Variants in APC observed in about 807,000 individuals in gnomAD.
The protein encoded by APC is adenomatous polyposis coli protein.
Under a neutral mutation model 247.0 loss-of-function variants are expected in APC, and 72 were observed. That is an observed-to-expected ratio of 0.29 (90% confidence interval 0.24 to 0.35). The LOEUF (loss-of-function observed/expected upper bound fraction) is 0.35. Among genes scored for constraint, APC ranks in the 10% least tolerant of loss-of-function variants. The pLI is 1.00. For synonymous variants in APC, 1,254 were observed against 1,162.5 expected (o/e 1.08, Z -1.60); for missense variants, 3,400 against 3,360.7 (o/e 1.01, Z -0.29).
intron 10 of APC, among the ~76,000 whole-genome samples, chr5:112,820,667 A>T (rs1431763756): frequency 6.6e-6 from 1 of 152,228 alleles, no homozygotes; most frequent in Non-Finnish European, 1.5e-5. Flanking sequence ...TCAAAAAATT[A>T]AATAGAATAA....
intron 1 of APC, among the ~76,000 whole-genome samples, chr5:112,716,696 C>G (rs927888419): frequency 2.0e-5 from 3 of 152,106 alleles, no homozygotes; most frequent in Non-Finnish European, 4.4e-5. Context: ...GTTCTCTAAT[C>G]TTTTATAAAT....
Position 112,745,349 on chromosome 5 carries a change from C to G in APC, c.-19+7424C>G, listed in dbSNP as rs746995755. 9.9e-4 allele frequency among the ~76,000 whole-genome samples: 151 copies of G among 151,962 alleles called. 1 individual carries two copies. Among genetic ancestry groups the G allele is most frequent in the Non-Finnish European group, 1.8e-3 (120 of 67,974 alleles). ...TTGAGACAGATCTTTGAAGTATCCC[C>G]TAGATCAAAGAGGAAATCAAGATGG... On this transcript the variant is annotated intron_variant, in intron 1 of 15. Coordinates refer to ENST00000257430, the MANE Select transcript of APC (RefSeq NM_000038.6).
intron 1 of APC, among the ~76,000 whole-genome samples, chr5:112,715,732 G>A (rs1298621271): frequency 6.6e-6 from 1 of 152,174 alleles, no homozygotes; most frequent in Non-Finnish European, 1.5e-5. Flanking sequence ...TAATGATCAA[G>A]TCGGGGTATT....
rs1350561160 is a variant in APC, at chr5:112,840,348, C to G, written c.4754C>G (p.Thr1585Arg). The G allele has an allele frequency of 6.2e-7, 1 of 1,614,180 alleles. No individual in the cohort carries two copies. Among genetic ancestry groups the G allele is most frequent in the Non-Finnish European group, 8.5e-7 (1 of 1,180,022 alleles). ...LEECIISAMP[T>R]KSSRKAKKPA... Reference sequence around the variant, plus strand: ...GAATGTATTATTTCTGCCATGCCAACAAAGTCATCACGTAAAGCAAAAAAG... The same window carrying G: ...GAATGTATTATTTCTGCCATGCCAAGAAAGTCATCACGTAAAGCAAAAAAG... Residue 1585 changes from threonine (T) to arginine (R), a missense_variant, in exon 16 of 16, where the codon ACA (threonine) becomes AGA (arginine). Physicochemically the swap from Thr to Arg is moderately conservative, Grantham distance 71 (BLOSUM62 -1). Transcript: ENST00000257430. This position sits in a 1 kb window ranked among gnomAD's most constrained non-coding sequence, Gnocchi z 4.1.
At chr5:112,757,936 A>G (rs1431909036) in intron 2 of APC, among the ~76,000 whole-genome samples, 3 of 152,212 alleles carry the variant, frequency 2.0e-5, no homozygotes, top group Non-Finnish European at 4.4e-5. Context: ...TGTGTTTAGA[A>G]AGAATCCTTG....
At chr5:112,765,110 G>C (rs545592794) in intron 2 of APC, among the ~76,000 whole-genome samples, 1 of 152,140 alleles carries the variant, frequency 6.6e-6, no homozygotes, top group South Asian at 2.1e-4. Context: ...CGATTTCTTT[G>C]TTTCTGTTTT....
chr5:112,830,747 G>T (rs1257310861), intron 14 of APC, among the ~76,000 whole-genome samples: 1 of 152,226 alleles, frequency 6.6e-6, no homozygotes, highest in Non-Finnish European at 1.5e-5. Flanking sequence ...AATCTGTAAT[G>T]ACAGAAAACA....
At chr5:112,798,044 A>G (rs982910566) in intron 7 of APC, among the ~76,000 whole-genome samples, 1 of 152,204 alleles carries the variant, frequency 6.6e-6, no homozygotes. Flanking sequence ...ACATATAGTT[A>G]TGTGACTCAG....
chr5:112,735,182 A>T (rs971479135), upstream of APC, among the ~76,000 whole-genome samples: 1 of 151,624 alleles, frequency 6.6e-6, no homozygotes, highest in South Asian at 2.1e-4. Context: ...GATCAGAAAA[A>T]ATATATATAT....
intron 1 of APC, among the ~76,000 whole-genome samples, chr5:112,751,199 A>G (rs1375152951): frequency 1.3e-5 from 2 of 152,090 alleles, no homozygotes; most frequent in Non-Finnish European, 2.9e-5. Flanking sequence ...CATCTTATAT[A>G]TCTGTACTAC....
At chr5:112,710,102 A>G (rs1310343196) in intron 1 of APC, among the ~76,000 whole-genome samples, 2 of 152,160 alleles carry the variant, frequency 1.3e-5, no homozygotes. Flanking sequence ...TTGATGGCCT[A>G]GAATGCTTCA....
At chr5:112,818,940 T>C (rs2149778342) in intron 9 of APC, 26 bp from the exon 10 acceptor site, 3 of 1,613,080 alleles carry the variant, frequency 1.9e-6, no homozygotes, top group Non-Finnish European at 2.5e-6. Context: ...GTCGTAATTT[T>C]GTTTCTAAAC....
intron 1 of APC, among the ~76,000 whole-genome samples, chr5:112,743,062 C>G (rs1753228466): frequency 6.6e-6 from 1 of 152,224 alleles, no homozygotes; most frequent in Non-Finnish European, 1.5e-5. Flanking sequence ...TGCGTCTCCT[C>G]TAGAGATTCT....
At chr5:112,728,904 C>G (rs895454004) in intron 1 of APC, among the ~76,000 whole-genome samples, 1 of 152,056 alleles carries the variant, frequency 6.6e-6, no homozygotes, top group Non-Finnish European at 1.5e-5. Context: ...TTTTCATTGC[C>G]TATATGGTGA....
intron 9 of APC, among the ~76,000 whole-genome samples, chr5:112,817,956 G>GT (rs758542038): frequency 2.6e-5 from 4 of 152,166 alleles, no homozygotes; most frequent in Non-Finnish European, 5.9e-5. Context: ...AGGTGTATGT[G>GT]TATTTACGCA....
At chr5:112,714,470 T>A (rs1433185045) in intron 1 of APC, among the ~76,000 whole-genome samples, 2 of 152,230 alleles carry the variant, frequency 1.3e-5, no homozygotes, top group South Asian at 2.1e-4. Flanking sequence ...CATCTTCTAG[T>A]AAACTTTAGC....
intron 14 of APC, among the ~76,000 whole-genome samples, chr5:112,831,043 A>G (rs879540706): frequency 7.9e-5 from 12 of 152,308 alleles, no homozygotes; most frequent in Middle Eastern, 6.8e-3. Context: ...TGTGTGTATT[A>G]TGAGAATTTG....
At position 112,783,378 on chromosome 5, in the gene APC, A is replaced by G. The variant is rs80139864; in HGVS notation, c.645+2475A>G. Among the ~76,000 whole-genome samples the G allele has an allele frequency of 4.6e-3, 696 of 152,272 alleles. 7 individuals carry two copies. The highest frequency in any genetic ancestry group is 0.016 in the African/African-American group (675 of 41,542). Reference sequence around the variant, plus strand: ...GTTCATTTATTCTGGAAATAGTTATATGAAGGTTAAGGTTAAAGAAATTGT... The same window carrying G: ...GTTCATTTATTCTGGAAATAGTTATGTGAAGGTTAAGGTTAAAGAAATTGT... On this transcript the variant is annotated intron_variant, in intron 6 of 15. Coordinates refer to ENST00000257430, the MANE Select transcript of APC (RefSeq NM_000038.6).
In APC at chr5:112,843,359, GA is replaced by G; in HGVS notation, c.7770del (p.Lys2590AsnfsTer3). ...CAGTGAAAAAGCAAAAAGTGAGGATGAAAAACATGTGAACTCTATTTCAGGA... is the reference window on the plus strand; with the variant it reads ...CAGTGAAAAAGCAAAAAGTGAGGATGAAAACATGTGAACTCTATTTCAGGA... ...ESSEKAKSED[E>X]KHVNSISGTK... On this transcript the variant is annotated frameshift_variant, in exon 16 of 16. Coordinates refer to ENST00000257430, the MANE Select transcript of APC (RefSeq NM_000038.6). LOFTEE classifies it high-confidence loss of function. The surrounding 1 kb of genome is among the most constrained non-coding windows in gnomAD (Gnocchi z 4.8). 1 of 1,613,882 alleles carries G rather than the reference GA, an allele frequency of 6.2e-7. No individual in the cohort carries two copies. Among genetic ancestry groups the G allele is most frequent in the Admixed American group, 1.7e-5 (1 of 59,996 alleles).
Sources: gnomAD v4.1 joint callset for allele counts (sites outside exome capture counted in the v4.1 genomes callset) on GRCh38, gnomAD v4.1.1 for gene constraint, Gnocchi (gnomAD v3.1) non-coding constraint, MANE v1.5 for transcripts, NCBI Gene and HGNC (gene_info 2026-07-23, HGNC 2026-07-21) for gene names.